Variants in TUSC3 observed in about 807,000 individuals in gnomAD.
TUSC3 encodes the protein dolichyl-diphosphooligosaccharide--protein glycosyltransferase subunit TUSC3.
In TUSC3, 45 loss-of-function variants were observed where a neutral mutation model predicts 44.8. The ratio of observed to expected loss-of-function variants is 1.00; its 90% CI spans 0.79 to 1.29. The LOEUF (loss-of-function observed/expected upper bound fraction) is 1.29, where lower values mean the gene tolerates loss of function less well. TUSC3 is among the 50% of genes most tolerant of loss of function. The probability of loss-of-function intolerance (pLI) is 0.00; values close to 1 mark genes in which losing one functional copy is unlikely to be tolerated. For synonymous variants in TUSC3, 212 were observed against 152.9 expected (o/e 1.39, Z -2.85); for missense variants, 519 against 437.9 (o/e 1.19, Z -1.65).
At chr8:15,551,704 A>C (rs531679557) in intron 1 of TUSC3, among the ~76,000 whole-genome samples, 1 of 151,882 alleles carries the variant, frequency 6.6e-6, no homozygotes, top group African/African-American at 2.4e-5. Context: ...TATTTGTCTT[A>C]GTCATTACTG....
intron 2 of TUSC3, among the ~76,000 whole-genome samples, chr8:15,628,407 G>T (rs535952322): frequency 6.6e-6 from 1 of 152,142 alleles, no homozygotes; most frequent in East Asian, 1.9e-4. Flanking sequence ...ATGACATCTA[G>T]CCTATAACAA....
At chr8:15,456,709 C>A (rs1800261190) in intron 1 of TUSC3, among the ~76,000 whole-genome samples, 1 of 151,974 alleles carries the variant, frequency 6.6e-6, no homozygotes, top group African/African-American at 2.4e-5. Flanking sequence ...AAGACAAAAT[C>A]AGATTCCTAT....
chr8:15,622,778 T>G (rs1303095671), intron 1 of TUSC3, among the ~76,000 whole-genome samples: 1 of 152,054 alleles, frequency 6.6e-6, no homozygotes, highest in African/African-American at 2.4e-5. Context: ...CTTTGTCCTT[T>G]GGATAGCAAG....
the TUSC3 span, among the ~76,000 whole-genome samples, chr8:15,844,305 C>G: frequency 1.3e-5 from 2 of 152,112 alleles, no homozygotes; most frequent in Non-Finnish European, 2.9e-5. Flanking sequence ...ATTTATCCAG[C>G]ATTTAGTATG....
At chr8:15,742,459 A>G (rs1406253420) in intron 7 of TUSC3, among the ~76,000 whole-genome samples, 1 of 152,178 alleles carries the variant, frequency 6.6e-6, no homozygotes, top group African/African-American at 2.4e-5. Context: ...GAACATTATA[A>G]TTTATTACTA....
At chr8:15,682,358 C>CAT (rs1808461371) in intron 6 of TUSC3, among the ~76,000 whole-genome samples, 1 of 152,054 alleles carries the variant, frequency 6.6e-6, no homozygotes, top group South Asian at 2.1e-4. Flanking sequence ...ATTTTGGATT[C>CAT]ATATATATTT....
the TUSC3 span, among the ~76,000 whole-genome samples, chr8:15,848,329 C>T: frequency 6.6e-6 from 1 of 152,356 alleles, no homozygotes; most frequent in East Asian, 1.9e-4. Context: ...GCTGACAATA[C>T]AGCACCCTGT....
chr8:15,761,685 G>T (rs913744403), intron 10 of TUSC3, among the ~76,000 whole-genome samples: 3 of 152,152 alleles, frequency 2.0e-5, no homozygotes, highest in African/African-American at 7.2e-5. Flanking sequence ...GAAGTTGATC[G>T]TGGTACCCAA....
chr8:15,741,144 A>G (rs1272331034), intron 7 of TUSC3, among the ~76,000 whole-genome samples: 1 of 40,470 alleles, frequency 2.5e-5, no homozygotes, highest in Non-Finnish European at 7.2e-5. Flanking sequence ...GTATAAACCG[A>G]TAACATGTTT....
At chr8:15,715,739 C>T (rs937514392) in intron 6 of TUSC3, among the ~76,000 whole-genome samples, 1 of 151,204 alleles carries the variant, frequency 6.6e-6, no homozygotes, top group Non-Finnish European at 1.5e-5. Context: ...GCGGTGGTCT[C>T]TATTTTAGAA....
chr8:15,521,698 G>A (rs560161059), intron 2 of TUSC3, among the ~76,000 whole-genome samples: 16 of 152,234 alleles, frequency 1.1e-4, no homozygotes, highest in African/African-American at 3.6e-4. Flanking sequence ...TGCAGCCTGC[G>A]GGCCACTGGT....
intron 1 of TUSC3, among the ~76,000 whole-genome samples, chr8:15,470,215 C>T (rs1198309256): frequency 1.3e-5 from 2 of 148,582 alleles, no homozygotes; most frequent in African/African-American, 5.0e-5. Context: ...GCAGAGGTTG[C>T]ACCACTACAC....
the TUSC3 span, among the ~76,000 whole-genome samples, chr8:15,772,108 A>C: frequency 6.6e-6 from 1 of 150,840 alleles, no homozygotes; most frequent in Non-Finnish European, 1.5e-5. Flanking sequence ...AAAAAGAAAA[A>C]GAAAGATCTT....
intron 3 of TUSC3, among the ~76,000 whole-genome samples, chr8:15,653,907 A>G (rs1807031664): frequency 6.6e-6 from 1 of 152,144 alleles, no homozygotes; most frequent in African/African-American, 2.4e-5. Flanking sequence ...GGTAATTTCT[A>G]GCTTGTTGGG....
chr8:15,462,038 A>G (rs955553358), intron 1 of TUSC3, among the ~76,000 whole-genome samples: 32 of 152,010 alleles, frequency 2.1e-4, no homozygotes, highest in African/African-American at 7.7e-4. Flanking sequence ...AAGTCATAAG[A>G]CCCCTGGATT....
At chr8:15,441,701 T>C (rs1271938582) in intron 1 of TUSC3, among the ~76,000 whole-genome samples, 1 of 152,110 alleles carries the variant, frequency 6.6e-6, no homozygotes, top group Non-Finnish European at 1.5e-5. Context: ...TGAAGAAGTG[T>C]AAAAAATACT....
chr8:15,623,637 C>T (rs899360610), intron 2 of TUSC3, among the ~76,000 whole-genome samples: 1 of 151,084 alleles, frequency 6.6e-6, no homozygotes, highest in Non-Finnish European at 1.5e-5. Flanking sequence ...TTTGATACCG[C>T]CAATGATTAG....
intron 2 of TUSC3, among the ~76,000 whole-genome samples, chr8:15,498,948 G>T (rs1800919077): frequency 6.6e-6 from 1 of 152,104 alleles, no homozygotes; most frequent in African/African-American, 2.4e-5. Context: ...AACTGATACA[G>T]GTGCCTTTTA....
At chr8:15,691,822 A>G (rs1188089428) in intron 6 of TUSC3, among the ~76,000 whole-genome samples, 1 of 151,858 alleles carries the variant, frequency 6.6e-6, no homozygotes, top group Admixed American at 6.6e-5. Context: ...TCTGTTGCCT[A>G]GGCTGGAGTT....
Sources: gnomAD v4.1 joint callset for allele counts (sites outside exome capture counted in the v4.1 genomes callset) on GRCh38, gnomAD v4.1.1 for gene constraint, MANE v1.5 for transcripts, NCBI Gene and HGNC (gene_info 2026-07-23, HGNC 2026-07-21) for gene names.